The following RFTN1 variants were observed in gnomAD, a reference collection of about 807,000 sequenced individuals.
RFTN1 encodes the protein raftlin, lipid raft linker 1.
RFTN1 carries 26 observed loss-of-function variants against 46.5 expected under a neutral mutation model. The ratio of observed to expected loss-of-function variants is 0.56; its 90% CI spans 0.41 to 0.78. RFTN1 has a LOEUF of 0.78. Ranked by LOEUF, RFTN1 falls within the 30% of genes least tolerant of loss-of-function variation. The pLI, the probability that RFTN1 is intolerant of heterozygous loss-of-function variation, is 0.00. For synonymous variants in RFTN1, 261 were observed against 284.2 expected, an observed-to-expected ratio of 0.92 and a Z score of 0.82; for missense variants, 693 against 718.7, an observed-to-expected ratio of 0.96 and a Z score of 0.41.
At chr3:16,395,150 T>C (rs554736723) in intron 4 of RFTN1, among the ~76,000 whole-genome samples, 2 of 152,348 alleles carry the variant, frequency 1.3e-5, no homozygotes, top group South Asian at 4.1e-4. Flanking sequence ...TTCAAATATA[T>C]TCCTCAAATG....
rs957201543 is a variant in RFTN1, at chr3:16,361,631, C to T, written c.1031-3584G>A. Reference sequence around the variant, plus strand: ...ACATGCAGAGTGAACGAAGGACAGCCAAGGACCAGGTGAGCAGCAGAATCA... The same window carrying T: ...ACATGCAGAGTGAACGAAGGACAGCTAAGGACCAGGTGAGCAGCAGAATCA... On this transcript the variant is annotated intron_variant, in intron 6 of 9. Coordinates refer to ENST00000334133, the MANE Select transcript of RFTN1 (RefSeq NM_015150.2). This position sits in a 1 kb window ranked among gnomAD's most constrained non-coding sequence, Gnocchi z 4.3. Among the ~76,000 whole-genome samples, 1 of 152,122 alleles carries T rather than the reference C, an allele frequency of 6.6e-6. No homozygotes were observed. The highest frequency in any genetic ancestry group is 1.5e-5 in the Non-Finnish European group (1 of 68,014).
At chr3:16,492,180 T>C (rs1204073113) in intron 2 of RFTN1, among the ~76,000 whole-genome samples, 2 of 152,186 alleles carry the variant, frequency 1.3e-5, no homozygotes, top group African/African-American at 2.4e-5. Flanking sequence ...AAAAGGAAGA[T>C]GCTGGCTTCA....
At position 16,334,069 on chromosome 3, in the gene RFTN1, G is replaced by C. The variant is rs578085541; in HGVS notation, c.1147-7193C>G. On this transcript the variant is annotated intron_variant, in intron 7 of 9. Coordinates refer to ENST00000334133, the MANE Select transcript of RFTN1 (RefSeq NM_015150.2). The surrounding 1 kb of genome is among the most constrained non-coding windows in gnomAD (Gnocchi z 4.3). ...AGTCCCAGCTACTTGGGAGGCTGAG[G>C]CAGGAGAATGGCTTGAACCTAGGAG... Among the ~76,000 whole-genome samples the C allele has an allele frequency of 1.3e-5, 2 of 152,330 alleles. No homozygotes were observed. The highest frequency in any genetic ancestry group is 4.1e-4 in the South Asian group (2 of 4,826).
Position 16,352,388 on chromosome 3 carries a change from A to G in RFTN1, c.1146+5544T>C, listed in dbSNP as rs2072161259. Reference sequence around the variant, plus strand: ...GGTCTCTGTATCTTGCTCTTTACCTATTCATCTATGTAGTTTTTTCCTTTC... The same window carrying G: ...GGTCTCTGTATCTTGCTCTTTACCTGTTCATCTATGTAGTTTTTTCCTTTC... On this transcript the variant is annotated intron_variant, in intron 7 of 9. Coordinates refer to ENST00000334133, the MANE Select transcript of RFTN1 (RefSeq NM_015150.2). This position sits in a 1 kb window ranked among gnomAD's most constrained non-coding sequence, Gnocchi z 4.6. 6.6e-6 allele frequency among the ~76,000 whole-genome samples: 1 copy of G among 152,200 alleles called. No individual in the cohort carries two copies. The highest frequency in any genetic ancestry group is 6.5e-5 in the Admixed American group (1 of 15,286).
chr3:16,322,640 G>T lies in RFTN1; in HGVS notation c.1332+736C>A, dbSNP rs1356979949. Among the ~76,000 whole-genome samples the T allele has an allele frequency of 6.6e-6, 1 of 152,200 alleles. No homozygotes were observed. The highest frequency in any genetic ancestry group is 1.5e-5 in the Non-Finnish European group (1 of 68,034). On this transcript the variant is annotated intron_variant, in intron 9 of 9. Transcript: ENST00000334133. This position sits in a 1 kb window ranked among gnomAD's most constrained non-coding sequence, Gnocchi z 6.2. ...AAAGCACCACAGGCTGCTCAGGGTG[G>T]GGTGGGAAGCATCAGAATCATCTGG... is the stretch of plus-strand genomic sequence containing the variant.
intron 4 of RFTN1, among the ~76,000 whole-genome samples, chr3:16,379,286 C>T (rs1374760250): frequency 2.6e-5 from 4 of 152,266 alleles, no homozygotes; most frequent in East Asian, 1.9e-4. Flanking sequence ...TTCCACACTG[C>T]GCAACCTGGA....
Position 16,410,710 on chromosome 3 carries a change from C to T in RFTN1, c.333-1227G>A, listed in dbSNP as rs965182565. The stretch of plus-strand genomic sequence containing the variant: ...TGCTGTCAAAGGAGAGGCTTCCTAG[C>T]GCACCCTGCCATCTCTGCACACAGG... On this transcript the variant is annotated intron_variant, in intron 3 of 9. Coordinates refer to ENST00000334133, the MANE Select transcript of RFTN1 (RefSeq NM_015150.2). The surrounding 1 kb of genome is among the most constrained non-coding windows in gnomAD (Gnocchi z 4.6). Among the ~76,000 whole-genome samples, 10 of 152,086 alleles carry T rather than the reference C, an allele frequency of 6.6e-5. No individual in the cohort carries two copies. The highest frequency in any genetic ancestry group is 1.2e-4 in the Non-Finnish European group (8 of 68,008).
chr3:16,438,846 G>C (rs1478522713), intron 2 of RFTN1, among the ~76,000 whole-genome samples: 1 of 152,056 alleles, frequency 6.6e-6, no homozygotes, highest in Non-Finnish European at 1.5e-5. Context: ...CCCCGGGATG[G>C]TGATGACAAC....
intron 2 of RFTN1, among the ~76,000 whole-genome samples, chr3:16,487,680 G>A (rs1001373744): frequency 7.2e-5 from 11 of 152,136 alleles, no homozygotes; most frequent in Admixed American, 3.3e-4. Context: ...ATTGCTCTCC[G>A]TGCCAACTGT....
chr3:16,339,997 G>C (rs1040690500), intron 7 of RFTN1: 1 of 152,338 alleles, frequency 6.6e-6, no homozygotes, highest in East Asian at 1.9e-4. Flanking sequence ...CCAGGATGCT[G>C]TGTTACCATT....
At chr3:16,388,691 T>C (rs2074270420) in intron 4 of RFTN1, among the ~76,000 whole-genome samples, 1 of 152,112 alleles carries the variant, frequency 6.6e-6, no homozygotes, top group East Asian at 1.9e-4. Flanking sequence ...AGAAAAGAAG[T>C]AGCAATAAGC....
chr3:16,399,467 A>C (rs920396628), intron 4 of RFTN1, among the ~76,000 whole-genome samples: 4 of 152,200 alleles, frequency 2.6e-5, no homozygotes. Context: ...CATTAGTCTT[A>C]GGGGTTAGTG....
Position 16,481,839 on chromosome 3 carries a change from G to A in RFTN1, c.145+11886C>T, listed in dbSNP as rs567996738. On this transcript the variant is annotated intron_variant, in intron 2 of 9. Transcript: ENST00000334133. This position sits in a 1 kb window ranked among gnomAD's most constrained non-coding sequence, Gnocchi z 5.1. ...AAGAAAAATGTTTCCCTACCCTACC[G>A]CATATACTATTTTCAGCAAAGGAGG... is the stretch of plus-strand genomic sequence containing the variant. 3.9e-5 allele frequency among the ~76,000 whole-genome samples: 6 copies of A among 152,278 alleles called. No individual in the cohort carries two copies. In the East Asian group the frequency reaches 5.8e-4, roughly 15 times the overall value.
At position 16,499,170 on chromosome 3, in the gene RFTN1, G is replaced by T. The variant is rs147257412; in HGVS notation, c.-8-5293C>A. Among the ~76,000 whole-genome samples the T allele has an allele frequency of 2.0e-5, 3 of 152,172 alleles. No homozygotes were observed. The highest frequency in any genetic ancestry group is 2.9e-5 in the Non-Finnish European group (2 of 68,036). Reference sequence around the variant, plus strand: ...CACATGGGTCAAAGTCTCTAGTAAGGTGGAAGGTAAATGGTAAGTAGGATG... The same window carrying T: ...CACATGGGTCAAAGTCTCTAGTAAGTTGGAAGGTAAATGGTAAGTAGGATG... On this transcript the variant is annotated intron_variant, in intron 1 of 9. Coordinates refer to ENST00000334133, the MANE Select transcript of RFTN1 (RefSeq NM_015150.2). The surrounding 1 kb of genome is among the most constrained non-coding windows in gnomAD (Gnocchi z 4.9).
chr3:16,478,848 T>TCACAA (rs1208360000), intron 2 of RFTN1, among the ~76,000 whole-genome samples: 2 of 152,196 alleles, frequency 1.3e-5, no homozygotes, highest in Non-Finnish European at 2.9e-5. Context: ...ACAGGTCAGC[T>TCACAA]CACAACACGG....
chr3:16,483,587 T>A lies in RFTN1; in HGVS notation c.145+10138A>T, dbSNP rs947009431. On this transcript the variant is annotated intron_variant, in intron 2 of 9. Coordinates refer to ENST00000334133, the MANE Select transcript of RFTN1 (RefSeq NM_015150.2). The surrounding 1 kb of genome is among the most constrained non-coding windows in gnomAD (Gnocchi z 4.8). The stretch of plus-strand genomic sequence containing the variant: ...TTGAGAATCATTGTGTCACCTTGTA[T>A]CCTTATTTTTATTCCTCTGGCCTGT... Among the ~76,000 whole-genome samples, 5 of 152,184 alleles carry A rather than the reference T, an allele frequency of 3.3e-5. No individual in the cohort carries two copies. The highest frequency in any genetic ancestry group is 3.3e-4 in the Admixed American group (5 of 15,276).
In RFTN1 at chr3:16,382,873, G is replaced by A. The variant is rs1314802681; in HGVS notation, c.442-4771C>T. On this transcript the variant is annotated intron_variant, in intron 4 of 9. Transcript: ENST00000334133. This position sits in a 1 kb window ranked among gnomAD's most constrained non-coding sequence, Gnocchi z 4.7. Reference sequence around the variant, plus strand: ...CCTCAGGCGATGCCAGGGTCTTCATGAGCATGGAACCAAATCAACATGGAA... The same window carrying A: ...CCTCAGGCGATGCCAGGGTCTTCATAAGCATGGAACCAAATCAACATGGAA... Among the ~76,000 whole-genome samples the A allele has an allele frequency of 2.0e-5, 3 of 152,130 alleles. No homozygotes were observed. Among genetic ancestry groups the A allele is most frequent in the Non-Finnish European group, 2.9e-5 (2 of 68,030 alleles).
chr3:16,440,915 C>T lies in RFTN1; in HGVS notation c.146-6878G>A, dbSNP rs1246674045. The stretch of plus-strand genomic sequence containing the variant: ...ATTTCTGATCCTGCCACTGTCCAGG[C>T]GCAGTGTGAGCATCAGTCATACATG... On this transcript the variant is annotated intron_variant, in intron 2 of 9. Coordinates refer to ENST00000334133, the MANE Select transcript of RFTN1 (RefSeq NM_015150.2). The surrounding 1 kb of genome is among the most constrained non-coding windows in gnomAD (Gnocchi z 4.6). Among the ~76,000 whole-genome samples, 4 of 152,138 alleles carry T rather than the reference C, an allele frequency of 2.6e-5. No homozygotes were observed. The highest frequency in any genetic ancestry group is 4.4e-5 in the Non-Finnish European group (3 of 68,010).
chr3:16,423,255 T>G (rs2075225097), intron 3 of RFTN1, among the ~76,000 whole-genome samples: 1 of 152,072 alleles, frequency 6.6e-6, no homozygotes, highest in Non-Finnish European at 1.5e-5. Context: ...TCCACAGACA[T>G]TAGGCAATGT....
Sources: allele counts gnomAD v4.1 joint callset (sites outside exome capture counted in the v4.1 genomes callset), GRCh38; gene constraint gnomAD v4.1.1; non-coding constraint Gnocchi (gnomAD v3.1); transcripts MANE v1.5; gene names NCBI Gene and HGNC (gene_info 2026-07-23, HGNC 2026-07-21).